The following ELF5 variants were observed in gnomAD, a reference collection of about 807,000 sequenced individuals.
The protein encoded by ELF5 is E74 like ETS transcription factor 5.
Under a neutral mutation model 38.2 loss-of-function variants are expected in ELF5, and 31 were observed. The ratio of observed to expected loss-of-function variants is 0.81; its 90% CI spans 0.61 to 1.10. ELF5 has a LOEUF of 1.10. Ranked by LOEUF, ELF5 falls within the 50% of genes least tolerant of loss-of-function variation. ELF5 has a pLI of 0.00. For synonymous variants in ELF5, 121 were observed against 112.5 expected, an observed-to-expected ratio of 1.08 and a Z score of -0.48; for missense variants, 300 against 306.6, an observed-to-expected ratio of 0.98 and a Z score of 0.16.
intron 2 of ELF5, among the ~76,000 whole-genome samples, chr11:34,501,801 A>G (rs1004756835): frequency 1.4e-4 from 22 of 152,200 alleles, no homozygotes; most frequent in African/African-American, 4.8e-4. Flanking sequence ...ATTCAGCGGC[A>G]CTCTGCTCAA....
rs1017210252 is a variant in ELF5, at chr11:34,479,948, C to G, written c.*270G>C. 2 of 408,998 alleles carry G rather than the reference C, an allele frequency of 4.9e-6. No individual in the cohort carries two copies. The highest frequency in any genetic ancestry group is 4.2e-5 in the African/African-American group (2 of 48,116). 25.3% of individuals were successfully genotyped at this position (408,998 alleles called of 1,614,324 possible). On this transcript the variant is annotated 3_prime_UTR_variant, in exon 7 of 7. Transcript: ENST00000257832. ...GGCATGGGCTGTTGTCATTCCACAA[C>G]TCTAGGAAAATAAAGTTTGATCAAG...
intron 1 of ELF5, among the ~76,000 whole-genome samples, chr11:34,507,919 G>T (rs72927372): frequency 0.14 from 21,257 of 152,002 alleles, 1,638 homozygotes; most frequent in Admixed American, 0.21. Flanking sequence ...ATTTGCCTAC[G>T]ACTGTGATAA....
chr11:34,496,649 C>T (rs1850328977), intron 2 of ELF5, among the ~76,000 whole-genome samples: 1 of 152,136 alleles, frequency 6.6e-6, no homozygotes, highest in Non-Finnish European at 1.5e-5. Context: ...CATCAGGCGT[C>T]CTCCTCATCC....
chr11:34,506,465 C>A (rs1447759036), intron 1 of ELF5, among the ~76,000 whole-genome samples: 1 of 152,116 alleles, frequency 6.6e-6, no homozygotes, highest in African/African-American at 2.4e-5. Context: ...AACAAACCTG[C>A]ACACATACCC....
intron 3 of ELF5, among the ~76,000 whole-genome samples, chr11:34,490,386 A>T (rs1432135427): frequency 1.3e-5 from 2 of 152,140 alleles, no homozygotes; most frequent in South Asian, 4.1e-4. Context: ...GGGCCGGGCT[A>T]CTGATCCCTG....
rs370598885 is a variant in ELF5, at chr11:34,505,624, C to T, written c.121+5G>A. 23 of 1,613,446 alleles carry T rather than the reference C, an allele frequency of 1.4e-5. No homozygotes were observed. The highest frequency in any genetic ancestry group is 4.0e-5 in the African/African-American group (3 of 74,914). ...ACTCAGATGGGCTCCTTCAAATGTACGCACCTGTCTGATGCTCAAAGGCAG... is the reference window on the plus strand; with the variant it reads ...ACTCAGATGGGCTCCTTCAAATGTATGCACCTGTCTGATGCTCAAAGGCAG... On this transcript the variant is annotated splice_donor_5th_base_variant and intron_variant, in intron 2 of 6. Coordinates refer to ENST00000257832, the MANE Select transcript of ELF5 (RefSeq NM_001422.4).
chr11:34,500,484 G>A (rs957009133), intron 2 of ELF5, among the ~76,000 whole-genome samples: 2 of 152,252 alleles, frequency 1.3e-5, no homozygotes, highest in Non-Finnish European at 2.9e-5. Context: ...GTTAAGTCCA[G>A]TGCAGCATAG....
chr11:34,493,653 C>T lies in ELF5; in HGVS notation c.181G>A (p.Glu61Lys), dbSNP rs1850238651. The T allele has an allele frequency of 2.5e-6, 4 of 1,614,086 alleles. No individual in the cohort carries two copies. Among genetic ancestry groups the T allele is most frequent in the Middle Eastern group, 1.6e-4 (1 of 6,084 alleles). ...PEYWTKRHVW[E>K]WLQFCCDQYK... ...TGGTCGCAGCAGAACTGGAGCCACT[C>T]CCACACATGGCGCTTAGTCCAGTAT... Residue 61 changes from glutamate to lysine, a missense_variant, in exon 3 of 7, where the codon GAG becomes AAG. Glu to Lys is a moderately conservative substitution (Grantham distance 56, BLOSUM62 1). Coordinates refer to ENST00000257832, the MANE Select transcript of ELF5 (RefSeq NM_001422.4).
rs1311286228 is a variant in ELF5, at chr11:34,479,130, G to A, written c.*1088C>T. 1.3e-5 allele frequency: 2 copies of A among 152,590 alleles called. No individual in the cohort carries two copies. Among genetic ancestry groups the A allele is most frequent in the Non-Finnish European group, 2.9e-5 (2 of 68,032 alleles). 9.5% of individuals were successfully genotyped at this position (152,590 alleles called of 1,614,324 possible). ...GTCACTATTTTTGTCAAGGAAATAC[G>A]TGTTATAGCGCTTGAATACACATCA... On this transcript the variant is annotated 3_prime_UTR_variant, in exon 7 of 7. Coordinates refer to ENST00000257832, the MANE Select transcript of ELF5 (RefSeq NM_001422.4).
At chr11:34,506,537 T>C (rs1057242066) in intron 1 of ELF5, among the ~76,000 whole-genome samples, 4 of 152,208 alleles carry the variant, frequency 2.6e-5, no homozygotes, top group East Asian at 1.9e-4. Flanking sequence ...TTTTAAAAGA[T>C]GTAATCCTGC....
At chr11:34,502,347 G>A (rs1472419188) in intron 2 of ELF5, among the ~76,000 whole-genome samples, 2 of 152,224 alleles carry the variant, frequency 1.3e-5, no homozygotes, top group Non-Finnish European at 2.9e-5. Flanking sequence ...AGGTATCTCA[G>A]AGCCTGCTGG....
chr11:34,508,669 C>G (rs1850674373), intron 1 of ELF5, among the ~76,000 whole-genome samples: 1 of 152,212 alleles, frequency 6.6e-6, no homozygotes, highest in South Asian at 2.1e-4. Context: ...CAACCCCTAA[C>G]CAGATTCATC....
At chr11:34,480,390 C>T in intron 6 of ELF5, 76 bp from the exon 7 acceptor site, 1 of 1,130,340 alleles carries the variant, frequency 8.8e-7, no homozygotes, top group Non-Finnish European at 1.3e-6. Flanking sequence ...ACACTGTCTC[C>T]TCATTCCTCT....
Position 34,480,125 on chromosome 11 carries a change from A to G in ELF5, c.*93T>C. On this transcript the variant is annotated 3_prime_UTR_variant, in exon 7 of 7. Coordinates refer to ENST00000257832, the MANE Select transcript of ELF5 (RefSeq NM_001422.4). ...TCAGCATGTTTGCAGGTTAAAAAAAAAGAGAAGAAAATGAAGCCTTTCGAA... is the reference window on the plus strand; with the variant it reads ...TCAGCATGTTTGCAGGTTAAAAAAAGAGAGAAGAAAATGAAGCCTTTCGAA... The G allele has an allele frequency of 3.8e-6, 4 of 1,045,710 alleles. No individual in the cohort carries two copies. Among genetic ancestry groups the G allele is most frequent in the Non-Finnish European group, 5.7e-6 (4 of 701,718 alleles). The allele number at this position is 1,045,710 out of a possible 1,614,324, so 64.8% of individuals were successfully genotyped here. A position where few individuals can be genotyped will look rare whatever the true frequency, so the allele number is the denominator to read the frequency against.
At chr11:34,487,339 T>C (rs980741619) in intron 4 of ELF5, among the ~76,000 whole-genome samples, 3 of 152,080 alleles carry the variant, frequency 2.0e-5, no homozygotes, top group African/African-American at 7.2e-5. Flanking sequence ...GCAGAGGGCT[T>C]GTCTCCATGA....
chr11:34,493,472 C>A lies in ELF5; in HGVS notation c.355+7G>T, dbSNP rs776738356. Reference sequence around the variant, plus strand: ...TCCCCTGGAGGTCTGGCCCTCTGAACACTGACCTTGTGTGCGGATGTTCTG... The same window carrying A: ...TCCCCTGGAGGTCTGGCCCTCTGAAAACTGACCTTGTGTGCGGATGTTCTG... On this transcript the variant is annotated splice_region_variant and intron_variant, in intron 3 of 6. Transcript: ENST00000257832. 3 of 1,612,378 alleles carry A rather than the reference C, an allele frequency of 1.9e-6. No individual in the cohort carries two copies. The highest frequency in any genetic ancestry group is 2.5e-6 in the Non-Finnish European group (3 of 1,179,204).
intron 6 of ELF5, 149 bp downstream of exon 6, chr11:34,480,623 A>C: frequency 1.2e-6 from 1 of 833,582 alleles, no homozygotes; most frequent in Non-Finnish European, 1.8e-6. Flanking sequence ...TACAAACCAT[A>C]ATCCTACCTG....
intron 4 of ELF5, among the ~76,000 whole-genome samples, chr11:34,486,051 TG>T (rs1849987208): frequency 6.6e-6 from 1 of 152,106 alleles, no homozygotes; most frequent in Admixed American, 6.5e-5. Context: ...ACTTTTAAAA[TG>T]TGGCCAAAGG....
At chr11:34,482,321 G>T in intron 5 of ELF5, 110 bp downstream of exon 5, 1 of 952,998 alleles carries the variant, frequency 1.0e-6, no homozygotes, top group Non-Finnish European at 1.6e-6. Context: ...CTTCCTTGGG[G>T]AGTAACTGGT....
Sources: allele counts gnomAD v4.1 joint callset (sites outside exome capture counted in the v4.1 genomes callset), GRCh38; gene constraint gnomAD v4.1.1; transcripts MANE v1.5; gene names NCBI Gene and HGNC (gene_info 2026-07-23, HGNC 2026-07-21).